Variants in KDM7A observed in about 807,000 individuals in gnomAD.
KDM7A encodes the protein lysine-specific demethylase 7A.
Under a neutral mutation model 114.8 loss-of-function variants are expected in KDM7A, and 28 were observed. The ratio of observed to expected loss-of-function variants is 0.24; its 90% confidence interval spans 0.18 to 0.33. The LOEUF (loss-of-function observed/expected upper bound fraction) is 0.33, where lower values mean the gene tolerates loss of function less well. KDM7A is among the 10% of genes least tolerant of loss of function. KDM7A has a pLI of 1.00. For synonymous variants in KDM7A, 423 were observed against 397.8 expected, an observed-to-expected ratio of 1.06 and a Z score of -0.75; for missense variants, 942 against 1,142.5, an observed-to-expected ratio of 0.82 and a Z score of 2.53.
chr7:140,138,434 A>G (rs1225267021), intron 2 of KDM7A, among the ~76,000 whole-genome samples: 1 of 152,204 alleles, frequency 6.6e-6, no homozygotes, highest in Non-Finnish European at 1.5e-5. Flanking sequence ...AAAAAGCTGA[A>G]AATAGATATC....
intron 9 of KDM7A, among the ~76,000 whole-genome samples, chr7:140,118,436 G>A (rs1818566741): frequency 6.6e-6 from 1 of 151,092 alleles, no homozygotes; most frequent in African/African-American, 2.4e-5. Context: ...TTTTTTTGGA[G>A]ATGGAGTTTT....
rs983808346 is a variant in KDM7A at position 140,089,666 on chromosome 7, T to G, written c.*1428A>C. 9 of 151,972 alleles carry G rather than the reference T, an allele frequency of 5.9e-5. No homozygotes were observed. Among genetic ancestry groups the G allele is most frequent in the Non-Finnish European group, 1.3e-4 (9 of 67,978 alleles). 9.4% of individuals were successfully genotyped at this position (151,972 alleles called of 1,614,324 possible). A position where few individuals can be genotyped will look rare whatever the true frequency, so the allele number is the denominator to read the frequency against. Reference sequence around the variant, plus strand: ...TGCCATGGATGGAAAAAAGGGAAAATAGAAGCTACTATAAGCAAATGAAAA... The same window carrying G: ...TGCCATGGATGGAAAAAAGGGAAAAGAGAAGCTACTATAAGCAAATGAAAA... On this transcript the variant is annotated 3_prime_UTR_variant, in exon 20 of 20. Coordinates refer to ENST00000397560, the MANE Select transcript of KDM7A (RefSeq NM_030647.2).
intron 1 of KDM7A, among the ~76,000 whole-genome samples, chr7:140,167,275 AAGAATAACC>A (rs145075555): frequency 0.17 from 25,359 of 152,012 alleles, 2,473 homozygotes; most frequent in East Asian, 0.31. Flanking sequence ...ATAAATCTGC[AAGAATAACC>A]AGAAACACAC....
In KDM7A at chr7:140,124,736, T is replaced by C. The variant is rs764171886; in HGVS notation, c.936A>G (p.Ala312=). ...CAGATGAACTCCAAGATTCATAACG[T>C]GCCAAATTTTCATCTGTTGGCTTTA... ...YLIKPTDENL[A]RYESWSSSVT... Residue 312 remains alanine (A), a synonymous_variant, in exon 7 of 20, where the codon GCA becomes GCG. Transcript: ENST00000397560. The C allele has an allele frequency of 6.2e-7, 1 of 1,612,708 alleles. No individual in the cohort carries two copies. Among genetic ancestry groups the C allele is most frequent in the Non-Finnish European group, 8.5e-7 (1 of 1,179,156 alleles).
At chr7:140,154,873 AGT>A (rs1319228064) in intron 1 of KDM7A, among the ~76,000 whole-genome samples, 1 of 152,082 alleles carries the variant, frequency 6.6e-6, no homozygotes, top group Non-Finnish European at 1.5e-5. Context: ...TATAATTATA[AGT>A]GTTACAACTT....
chr7:140,087,089 T>C lies in KDM7A; in HGVS notation c.*4005A>G, dbSNP rs1296732357. The stretch of plus-strand genomic sequence containing the variant: ...CGTCTCCTTTCCTACACTGGTTTCT[T>C]TCTACCAAGCAAACTGTTGGTACCC... On this transcript the variant is annotated 3_prime_UTR_variant, in exon 20 of 20. Coordinates refer to ENST00000397560, the MANE Select transcript of KDM7A (RefSeq NM_030647.2). 6.6e-6 allele frequency: 1 copy of C among 152,218 alleles called. No individual in the cohort carries two copies. Among genetic ancestry groups the C allele is most frequent in the African/African-American group, 2.4e-5 (1 of 41,444 alleles). 9.4% of individuals were successfully genotyped at this position (152,218 alleles called of 1,614,324 possible). A position where few individuals can be genotyped will look rare whatever the true frequency, so the allele number is the denominator to read the frequency against.
chr7:140,111,057 T>C (rs752395944), intron 11 of KDM7A, 38 bp downstream of exon 11: 2 of 1,136,970 alleles, frequency 1.8e-6, no homozygotes, highest in African/African-American at 3.1e-5. Context: ...TCAAAGCAGA[T>C]AATAATCAAG....
chr7:140,102,726 T>C (rs894511109), intron 11 of KDM7A, among the ~76,000 whole-genome samples: 2 of 152,292 alleles, frequency 1.3e-5, no homozygotes, highest in African/African-American at 4.8e-5. Context: ...CACTGTTAAT[T>C]TTCTGACCTA....
At chr7:140,151,327 C>T (rs1794397990) in intron 1 of KDM7A, among the ~76,000 whole-genome samples, 1 of 152,160 alleles carries the variant, frequency 6.6e-6, no homozygotes, top group East Asian at 1.9e-4. Context: ...ATATTTAATT[C>T]AGAATTTCCC....
At chr7:140,160,690 A>C (rs1172639328) in intron 1 of KDM7A, among the ~76,000 whole-genome samples, 1 of 152,192 alleles carries the variant, frequency 6.6e-6, no homozygotes. Context: ...TTGGAGCTTT[A>C]AGAGAATAAT....
intron 1 of KDM7A, among the ~76,000 whole-genome samples, chr7:140,141,812 T>TGAACCC (rs1794283205): frequency 6.6e-6 from 1 of 151,520 alleles, no homozygotes; most frequent in Admixed American, 6.6e-5. Flanking sequence ...GAGAATCGCT[T>TGAACCC]GAACCCAGGA....
At chr7:140,154,350 C>T (rs2116840371) in intron 1 of KDM7A, among the ~76,000 whole-genome samples, 1 of 151,490 alleles carries the variant, frequency 6.6e-6, no homozygotes, top group East Asian at 1.9e-4. Flanking sequence ...AAAAATTAGC[C>T]AGGTATGGTG....
chr7:140,166,239 C>T (rs765835984), intron 1 of KDM7A, among the ~76,000 whole-genome samples: 13 of 151,828 alleles, frequency 8.6e-5, no homozygotes, highest in Non-Finnish European at 1.3e-4. Context: ...GAAAACTATA[C>T]GATTCTCTCC....
chr7:140,170,701 G>C (rs1794629162), intron 1 of KDM7A, among the ~76,000 whole-genome samples: 1 of 152,260 alleles, frequency 6.6e-6, no homozygotes, highest in Non-Finnish European at 1.5e-5. Flanking sequence ...TAAAACATTC[G>C]ATAAGTGAGA....
chr7:140,172,632 G>A (rs1218861194), intron 1 of KDM7A, among the ~76,000 whole-genome samples: 1 of 151,416 alleles, frequency 6.6e-6, no homozygotes, highest in Non-Finnish European at 1.5e-5. Flanking sequence ...CAGCCTGGGC[G>A]ACAGAGCGAA....
In KDM7A at chr7:140,087,952, C is replaced by G. The variant is rs1817957970; in HGVS notation, c.*3142G>C. ...ATACCTTCAAGGGCAGAGACCACAA[C>G]TGCAAATTGATGTTCCCCAACAGTA... On this transcript the variant is annotated 3_prime_UTR_variant, in exon 20 of 20. Transcript: ENST00000397560. 1 of 152,162 alleles carries G rather than the reference C, an allele frequency of 6.6e-6. No individual in the cohort carries two copies. Among genetic ancestry groups the G allele is most frequent in the Non-Finnish European group, 1.5e-5 (1 of 68,034 alleles). 9.4% of individuals were successfully genotyped at this position (152,162 alleles called of 1,614,324 possible). A position where few individuals can be genotyped will look rare whatever the true frequency, so the allele number is the denominator to read the frequency against.
chr7:140,143,174 C>T (rs1033620897), intron 1 of KDM7A, among the ~76,000 whole-genome samples: 8 of 140,366 alleles, frequency 5.7e-5, no homozygotes. Context: ...AGCAAGACCC[C>T]GTCTCAAAAA....
At chr7:140,166,650 A>C (rs1434220677) in intron 1 of KDM7A, among the ~76,000 whole-genome samples, 1 of 152,154 alleles carries the variant, frequency 6.6e-6, no homozygotes, top group Admixed American at 6.5e-5. Flanking sequence ...ATACTGTCTT[A>C]ATACGACAAA....
rs1562946078 is a variant in KDM7A at position 140,100,717 on chromosome 7, T to TATATATATATATATATATACAC, written c.1639-695_1639-694insGTGTATATATATATATATATAT. Among the ~76,000 whole-genome samples, 3 of 53,270 alleles carry TATATATATATATATATATACAC rather than the reference T, an allele frequency of 5.6e-5. 1 individual carries two copies. The highest frequency in any genetic ancestry group is 4.7e-4 in the East Asian group (1 of 2,112). 34.9% of individuals were successfully genotyped at this position (53,270 alleles called of 152,430 possible). On this transcript the variant is annotated intron_variant, in intron 12 of 19. Transcript: ENST00000397560. ...ATATATATATATATATACACATATA[T>TATATATATATATATATATACAC]ATATATATATATATATATATATATA...
Sources: gnomAD v4.1 joint callset for allele counts (sites outside exome capture counted in the v4.1 genomes callset) on GRCh38, gnomAD v4.1.1 for gene constraint, MANE v1.5 for transcripts, NCBI Gene and HGNC (gene_info 2026-07-23, HGNC 2026-07-21) for gene names.